Variants in NEK6 observed in about 807,000 individuals in gnomAD.
The protein encoded by NEK6 is serine/threonine-protein kinase Nek6.
NEK6 carries 27 observed loss-of-function variants against 43.5 expected under a neutral mutation model. The ratio of observed to expected loss-of-function variants is 0.62; its 90% CI spans 0.46 to 0.86. The LOEUF is 0.86. Ranked by LOEUF, NEK6 falls within the 40% of genes least tolerant of loss-of-function variation. NEK6 has a pLI of 0.00. For synonymous variants in NEK6, 167 were observed against 164.1 expected, an observed-to-expected ratio of 1.02 and a Z score of -0.14; for missense variants, 318 against 414.4, an observed-to-expected ratio of 0.77 and a Z score of 2.02.
chr9:124,262,226 AG>A (rs1831060176), intron 1 of NEK6, among the ~76,000 whole-genome samples: 2 of 152,224 alleles, frequency 1.3e-5, no homozygotes, highest in African/African-American at 4.8e-5. Flanking sequence ...TAGTTTAAAA[AG>A]AAAAAAAATC....
At chr9:124,302,118 C>T (rs1325107038) in intron 2 of NEK6, 64 bp downstream of exon 2, 2 of 1,233,478 alleles carry the variant, frequency 1.6e-6, no homozygotes, top group East Asian at 2.6e-5. Context: ...ATCCCTGAGC[C>T]TCCTTTGTCC....
Position 124,326,202 on chromosome 9 carries a change from T to TTCCCCCCCCCCCC in NEK6, c.406-128_406-127insTCCCCCCCCCCCC. On this transcript the variant is annotated intron_variant, in intron 5 of 9. Coordinates refer to ENST00000320246, the MANE Select transcript of NEK6 (RefSeq NM_014397.6). The surrounding 1 kb of genome is among the most constrained non-coding windows in gnomAD (Gnocchi z 4.5). ...GCTTATTGTTTGCTCAGTGGCTCAA[T>TTCCCCCCCCCCCC]CCCCCCCCCCCGCCCCTGCCAGGCA... 2 of 124,052 alleles carry TTCCCCCCCCCCCC rather than the reference T, an allele frequency of 1.6e-5. No individual in the cohort carries two copies. Among genetic ancestry groups the TTCCCCCCCCCCCC allele is most frequent in the South Asian group, 1.3e-4 (2 of 15,360 alleles). 7.7% of individuals were successfully genotyped at this position (124,052 alleles called of 1,614,324 possible).
At chr9:124,282,793 G>A (rs761522632) in intron 1 of NEK6, among the ~76,000 whole-genome samples, 1 of 152,242 alleles carries the variant, frequency 6.6e-6, no homozygotes, top group African/African-American at 2.4e-5. Flanking sequence ...GGCTTGCAGC[G>A]TTTGGTCCTT....
intron 3 of NEK6, among the ~76,000 whole-genome samples, chr9:124,313,471 G>A (rs12379571): frequency 0.055 from 8,421 of 152,072 alleles, 351 homozygotes; most frequent in Non-Finnish European, 0.084. Flanking sequence ...GGGTTCAAGC[G>A]ATTCTCCTGC....
chr9:124,309,669 A>G (rs768745676), intron 2 of NEK6, among the ~76,000 whole-genome samples: 19 of 152,266 alleles, frequency 1.2e-4, no homozygotes, highest in Non-Finnish European at 2.5e-4. Context: ...GCAGCTGGAA[A>G]CTAGCACATA....
chr9:124,319,522 T>G (rs1001507398), intron 4 of NEK6, among the ~76,000 whole-genome samples: 6 of 152,266 alleles, frequency 3.9e-5, no homozygotes, highest in Admixed American at 2.6e-4. Context: ...TCTTAAATTC[T>G]TTGTCAAGGC....
intron 5 of NEK6, among the ~76,000 whole-genome samples, chr9:124,325,503 C>A (rs1022788433): frequency 4.6e-5 from 7 of 152,210 alleles, no homozygotes; most frequent in African/African-American, 1.4e-4. Context: ...TGCTTTGAAG[C>A]AAAAAGCCCC....
intron 3 of NEK6, 106 bp downstream of exon 3, chr9:124,312,755 G>A (rs989176951): frequency 8.5e-6 from 10 of 1,179,178 alleles, no homozygotes; most frequent in South Asian, 1.6e-5. Flanking sequence ...TGTGAACGAG[G>A]GAAACAGCAC....
chr9:124,340,946 G>A (rs1829580220), intron 8 of NEK6, among the ~76,000 whole-genome samples: 1 of 152,242 alleles, frequency 6.6e-6, no homozygotes, highest in Non-Finnish European at 1.5e-5. Context: ...CTTGTGGCCA[G>A]GGTCTTTTGG....
At chr9:124,321,625 T>C in intron 5 of NEK6, 56 bp downstream of exon 5, 1 of 1,168,468 alleles carries the variant, frequency 8.6e-7, no homozygotes, top group Admixed American at 1.7e-5. Context: ...GAGCCAAAGG[T>C]GGCAGTCTTC....
intron 4 of NEK6, among the ~76,000 whole-genome samples, chr9:124,320,158 G>A (rs1441494726): frequency 2.0e-5 from 3 of 152,238 alleles, no homozygotes; most frequent in Admixed American, 1.3e-4. Context: ...GCAGGGGCCA[G>A]CACACCCACC....
chr9:124,272,781 T>G (rs548885799), intron 1 of NEK6, among the ~76,000 whole-genome samples: 1 of 152,150 alleles, frequency 6.6e-6, no homozygotes, highest in Admixed American at 6.5e-5. Context: ...TCCTATTAAT[T>G]CATTTTACAG....
intron 8 of NEK6, among the ~76,000 whole-genome samples, chr9:124,345,565 A>C (rs990234656): frequency 6.6e-6 from 1 of 152,160 alleles, no homozygotes; most frequent in African/African-American, 2.4e-5. Context: ...GGGCCTTTGG[A>C]GTTCCCAGCA....
chr9:124,338,417 G>T (rs1829400079), intron 7 of NEK6, among the ~76,000 whole-genome samples: 1 of 152,330 alleles, frequency 6.6e-6, no homozygotes, highest in African/African-American at 2.4e-5. Context: ...GGGGTAGTTT[G>T]TCTCTTATGT....
intron 1 of NEK6, among the ~76,000 whole-genome samples, chr9:124,271,902 C>T (rs1202754405): frequency 6.6e-6 from 1 of 152,262 alleles, no homozygotes; most frequent in Non-Finnish European, 1.5e-5. Context: ...GTACTTGTGC[C>T]CAGAGAGACA....
chr9:124,257,843 G>T (rs1338184447), upstream of NEK6: 1 of 1,092,816 alleles, frequency 9.2e-7, no homozygotes, highest in Non-Finnish European at 1.2e-6. Flanking sequence ...CCGCCGGGGC[G>T]CCCCCCGCCC....
intron 4 of NEK6, among the ~76,000 whole-genome samples, chr9:124,319,905 A>G (rs1291534493): frequency 2.0e-5 from 3 of 152,064 alleles, no homozygotes; most frequent in Non-Finnish European, 4.4e-5. Flanking sequence ...TTTGCTTAGG[A>G]TTGCTTTGTG....
chr9:124,280,792 T>C (rs1831869642), intron 1 of NEK6, among the ~76,000 whole-genome samples: 1 of 152,314 alleles, frequency 6.6e-6, no homozygotes, highest in South Asian at 2.1e-4. Context: ...CTTTTTTCTC[T>C]TCATTTTTTT....
chr9:124,333,634 G>A (rs1829133741), intron 7 of NEK6, among the ~76,000 whole-genome samples: 1 of 152,172 alleles, frequency 6.6e-6, no homozygotes. Context: ...GGAACTAACA[G>A]TAACATCTCT....
Sources: gnomAD v4.1 joint callset for allele counts (sites outside exome capture counted in the v4.1 genomes callset) on GRCh38, gnomAD v4.1.1 for gene constraint, Gnocchi (gnomAD v3.1) non-coding constraint, MANE v1.5 for transcripts, NCBI Gene and HGNC (gene_info 2026-07-23, HGNC 2026-07-21) for gene names.